The following RPL24 variants were observed in gnomAD, a reference collection of about 807,000 sequenced individuals.
The protein encoded by RPL24 is ribosomal protein L24.
A neutral mutation model predicts 26.4 loss-of-function variants in RPL24; 7 were observed. That is an observed-to-expected ratio of 0.27 (90% CI 0.15 to 0.50). RPL24 has a LOEUF of 0.50. RPL24 is among the 20% of genes least tolerant of loss of function. The pLI, the probability that RPL24 is intolerant of heterozygous loss-of-function variation, is 0.98. For missense variants in RPL24, 109 were observed against 194.9 expected (o/e 0.56, Z 2.62); for synonymous variants, 67 against 65.2 (o/e 1.03, Z -0.13).
intron 3 of RPL24, among the ~76,000 whole-genome samples, chr3:101,683,269 ATAAAT>A (rs1305728244): frequency 2.6e-5 from 4 of 152,368 alleles, no homozygotes; most frequent in Middle Eastern, 3.4e-3. Context: ...ACTAGGAGAA[ATAAAT>A]TAAGACAATT....
chr3:101,683,485 CTT>C (rs1290080634), intron 3 of RPL24, among the ~76,000 whole-genome samples: 4 of 152,134 alleles, frequency 2.6e-5, no homozygotes, highest in Non-Finnish European at 4.4e-5. Context: ...ACCTTAAAAA[CTT>C]TTAACAAAAA....
chr3:101,683,820 T>C (rs553647885), intron 3 of RPL24, among the ~76,000 whole-genome samples: 2 of 151,198 alleles, frequency 1.3e-5, no homozygotes, highest in Admixed American at 1.3e-4. Flanking sequence ...GTTCAAGCAA[T>C]TCTGCCTCAG....
chr3:101,681,468 G>A (rs1458009488), intron 5 of RPL24: 2 of 452,344 alleles, frequency 4.4e-6, no homozygotes, highest in South Asian at 3.0e-5. Context: ...ATCCTGAAAT[G>A]CATCCTAACA....
intron 2 of RPL24, 190 bp downstream of exon 2, chr3:101,686,292 C>T (rs1576659873): frequency 3.3e-6 from 2 of 600,144 alleles, no homozygotes; most frequent in Non-Finnish European, 5.9e-6. Flanking sequence ...GATGTCCGAC[C>T]TGGCTCACAA....
intron 3 of RPL24, among the ~76,000 whole-genome samples, chr3:101,685,176 T>G (rs558407469): frequency 6.3e-5 from 9 of 141,902 alleles, no homozygotes; most frequent in African/African-American, 2.2e-4. Context: ...GTAATTCCTG[T>G]TTTTTTTTTT....
At chr3:101,686,243 T>C (rs1937340351) in intron 2 of RPL24, 6 of 586,254 alleles carry the variant, frequency 1.0e-5, no homozygotes, top group Non-Finnish European at 1.8e-5. Context: ...CCTCAGTTAT[T>C]TCCCTTACAC....
intron 1 of RPL24, 40 bp from the exon 2 acceptor site, chr3:101,686,597 CA>C: frequency 6.2e-7 from 1 of 1,613,948 alleles, no homozygotes; most frequent in Non-Finnish European, 8.5e-7. Context: ...AGGGTGTCTA[CA>C]GCCATGCCAG....
At chr3:101,684,183 T>A (rs1020210867) in intron 3 of RPL24, among the ~76,000 whole-genome samples, 20 of 148,866 alleles carry the variant, frequency 1.3e-4, no homozygotes, top group East Asian at 2.0e-4. Flanking sequence ...TTTTTTTTTT[T>A]AAATGGAGCC....
At chr3:101,684,877 C>CTTTT (rs55805152) in intron 3 of RPL24, among the ~76,000 whole-genome samples, 5 of 133,880 alleles carry the variant, frequency 3.7e-5, no homozygotes, top group African/African-American at 1.4e-4. Context: ...ATCTAAATAA[C>CTTTT]TTTTTTTTTT....
rs1345700697 is a variant in RPL24, at chr3:101,686,393, T to A, written c.81+89A>T. On this transcript the variant is annotated intron_variant, in intron 2 of 5. Transcript: ENST00000394077. ...GAAGACTTCCAGAGGCCAGTGGTGA[T>A]GTGGGGAATAAACCCGCCTAAACCG... 5 of 1,078,726 alleles carry A rather than the reference T, an allele frequency of 4.6e-6. No homozygotes were observed. In the African/African-American group the frequency reaches 6.3e-5, roughly 14 times the overall value. 66.8% of individuals were successfully genotyped at this position (1,078,726 alleles called of 1,614,324 possible).
At chr3:101,686,362 G>A in intron 2 of RPL24, 120 bp downstream of exon 2, 2 of 760,538 alleles carry the variant, frequency 2.6e-6, no homozygotes, top group South Asian at 1.8e-5. Flanking sequence ...TCCACAGAGC[G>A]TCCACGAAGA....
chr3:101,686,704 A>C lies in RPL24; in HGVS notation c.-28T>G, dbSNP rs781161705. On this transcript the variant is annotated 5_prime_UTR_variant, in exon 1 of 6. Coordinates refer to ENST00000394077, the MANE Select transcript of RPL24 (RefSeq NM_000986.4). ...CGACAGCTCCACGGAAAGACAAAAG[A>C]TGGCGAAAAGAAAGAGAGAATCATG... The C allele has an allele frequency of 1.2e-6, 2 of 1,614,000 alleles. No individual in the cohort carries two copies. The highest frequency in any genetic ancestry group is 1.7e-6 in the Non-Finnish European group (2 of 1,180,014).
Position 101,686,652 on chromosome 3 carries a change from G to T in RPL24, c.5+20C>A. The T allele has an allele frequency of 6.2e-7, 1 of 1,614,220 alleles. No homozygotes were observed. The highest frequency in any genetic ancestry group is 8.5e-7 in the Non-Finnish European group (1 of 1,180,000). ...CTGCCCGAGGATGTAAGCGGATTGG[G>T]AACCACGGGTCGTGCTTACTTCATG... On this transcript the variant is annotated intron_variant, in intron 1 of 5. Transcript: ENST00000394077.
intron 3 of RPL24, 104 bp downstream of exon 3, chr3:101,685,714 T>G: frequency 1.7e-6 from 1 of 605,264 alleles, no homozygotes; most frequent in Non-Finnish European, 3.0e-6. Flanking sequence ...TTAAGAGCTC[T>G]TTCGCATACA....
intron 3 of RPL24, 138 bp downstream of exon 3, chr3:101,685,680 T>C (rs1937328567): frequency 2.0e-6 from 1 of 508,668 alleles, no homozygotes; most frequent in East Asian, 3.1e-5. Flanking sequence ...TAATATCTTT[T>C]TCATTTTGCT....
Position 101,686,660 on chromosome 3 carries a change from G to C in RPL24, c.5+12C>G. The C allele has an allele frequency of 6.2e-7, 1 of 1,614,230 alleles. No homozygotes were observed. Among genetic ancestry groups the C allele is most frequent in the East Asian group, 2.2e-5 (1 of 44,884 alleles). On this transcript the variant is annotated intron_variant, in intron 1 of 5. Transcript: ENST00000394077. ...GGATGTAAGCGGATTGGGAACCACG[G>C]GTCGTGCTTACTTCATGGCGACAGC... is the stretch of plus-strand genomic sequence containing the variant.
At chr3:101,683,221 AATT>A (rs1576658360) in intron 3 of RPL24, among the ~76,000 whole-genome samples, 1 of 152,058 alleles carries the variant, frequency 6.6e-6, no homozygotes, top group East Asian at 1.9e-4. Flanking sequence ...TATTGAAAAA[AATT>A]ATCATATTCA....
At chr3:101,682,207 AAAC>A in intron 5 of RPL24, 1 of 503,750 alleles carries the variant, frequency 2.0e-6, no homozygotes, top group East Asian at 3.6e-5. Context: ...ACAAACAAAC[AAAC>A]AAAAAATCAG....
At chr3:101,686,452 A>C (rs762695718) in intron 2 of RPL24, 30 bp downstream of exon 2, 1 of 1,599,286 alleles carries the variant, frequency 6.3e-7, no homozygotes, top group Non-Finnish European at 8.6e-7. Context: ...GGAGTACAAG[A>C]AGGTAGGTGA....
Sources: gnomAD v4.1 joint callset for allele counts (sites outside exome capture counted in the v4.1 genomes callset) on GRCh38, gnomAD v4.1.1 for gene constraint, MANE v1.5 for transcripts, NCBI Gene and HGNC (gene_info 2026-07-23, HGNC 2026-07-21) for gene names.